The following RAPGEF3 variants were observed in gnomAD, a reference collection of about 807,000 sequenced individuals.
RAPGEF3 encodes Rap guanine nucleotide exchange factor 3.
RAPGEF3 carries 103 observed loss-of-function variants against 129.8 expected under a neutral mutation model. The ratio of observed to expected loss-of-function variants is 0.79; its 90% CI spans 0.68 to 0.93. The LOEUF (loss-of-function observed/expected upper bound fraction) is 0.93, where lower values mean the gene tolerates loss of function less well. RAPGEF3 is among the 40% of genes least tolerant of loss of function. RAPGEF3 has a pLI of 0.00. For synonymous variants in RAPGEF3, 436 were observed against 482.6 expected, an observed-to-expected ratio of 0.90 and a Z score of 1.26; for missense variants, 1,117 against 1,207.4, an observed-to-expected ratio of 0.93 and a Z score of 1.11.
At chr12:47,745,627 TG>T in intron 16 of RAPGEF3, 1 of 152,008 alleles carries the variant, frequency 6.6e-6, no homozygotes, top group Admixed American at 6.5e-5. Flanking sequence ...GAATCTGCAC[TG>T]GAGTTGGCTC....
At chr12:47,746,438 C>A (rs1049225875) in intron 16 of RAPGEF3, 45 of 546,438 alleles carry the variant, frequency 8.2e-5, no homozygotes, top group Non-Finnish European at 1.3e-4. Context: ...TCCCTTTAAG[C>A]CCCAGCTGAG....
chr12:47,749,992 T>C lies in RAPGEF3; in HGVS notation c.757-2A>G. 1 of 1,614,188 alleles carries C rather than the reference T, an allele frequency of 6.2e-7. No homozygotes were observed. The highest frequency in any genetic ancestry group is 8.5e-7 in the Non-Finnish European group (1 of 1,180,034). On this transcript the variant is annotated splice_acceptor_variant, in intron 7 of 27. Coordinates refer to ENST00000449771, the MANE Select transcript of RAPGEF3 (RefSeq NM_001098531.4). LOFTEE classifies it high-confidence loss of function. This position sits in a 1 kb window ranked among gnomAD's most constrained non-coding sequence, Gnocchi z 4.5. ...AACAGCCGCTAATTCTCGCTTCACC[T>C]GTGTGGTGGAGATAGGAGAGTCGGT...
intron 2 of RAPGEF3, among the ~76,000 whole-genome samples, chr12:47,757,222 A>G (rs61917620): frequency 0.028 from 4,287 of 152,238 alleles, 94 homozygotes; most frequent in Non-Finnish European, 0.04. Flanking sequence ...TGGATAGTAC[A>G]GCCATTATCT....
Position 47,751,559 on chromosome 12 carries a change from G to GT in RAPGEF3, c.381-40dup, listed in dbSNP as rs747950887. On this transcript the variant is annotated intron_variant, in intron 4 of 27. Coordinates refer to ENST00000449771, the MANE Select transcript of RAPGEF3 (RefSeq NM_001098531.4). The stretch of plus-strand genomic sequence containing the variant: ...AAGGGGACAGGCCAGTGGAAGGAGG[G>GT]TGGCAGGGAGAGGGAGGAACTATGC... The GT allele has an allele frequency of 2.5e-6, 4 of 1,613,002 alleles. No individual in the cohort carries two copies. In the African/African-American group the frequency reaches 5.3e-5, roughly 21 times the overall value.
chr12:47,749,789 C>A lies in RAPGEF3; in HGVS notation c.846G>T (p.Ser282=). The A allele has an allele frequency of 6.2e-7, 1 of 1,614,182 alleles. No individual in the cohort carries two copies. The highest frequency in any genetic ancestry group is 2.2e-5 in the East Asian group (1 of 44,874). The change falls in exon 9 of 28, where the codon TCG becomes TCT. Residue 282 remains serine (S), a synonymous_variant. Transcript: ENST00000449771. The surrounding 1 kb of genome is among the most constrained non-coding windows in gnomAD (Gnocchi z 4.5). ...VLFSQGDKGT[S]WYIIWKGSVN... ...CAGATCCCTTCCAGATAATGTACCA[C>A]GAAGTGCCCTTGTCCCCCTGGCTGA... is the stretch of plus-strand genomic sequence containing the variant.
In RAPGEF3 at chr12:47,737,313, C is replaced by T. The variant is rs1940836002; in HGVS notation, c.*254G>A. 6 of 519,416 alleles carry T rather than the reference C, an allele frequency of 1.2e-5. No homozygotes were observed. 32.2% of individuals were successfully genotyped at this position (519,416 alleles called of 1,614,324 possible). A position where few individuals can be genotyped will look rare whatever the true frequency, so the allele number is the denominator to read the frequency against. On this transcript the variant is annotated 3_prime_UTR_variant, in exon 28 of 28. Coordinates refer to ENST00000449771, the MANE Select transcript of RAPGEF3 (RefSeq NM_001098531.4). ...CCCAGCGCACTCCACTCTCCACCCACTCCTGGGGCCTCTCTGTCCTCCCTT... is the reference window on the plus strand; with the variant it reads ...CCCAGCGCACTCCACTCTCCACCCATTCCTGGGGCCTCTCTGTCCTCCCTT...
Position 47,737,416 on chromosome 12 carries a change from A to T in RAPGEF3, c.*151T>A, listed in dbSNP as rs1940843312. 1 of 651,712 alleles carries T rather than the reference A, an allele frequency of 1.5e-6. No homozygotes were observed. The highest frequency in any genetic ancestry group is 2.6e-6 in the Non-Finnish European group (1 of 379,154). The allele number at this position is 651,712 out of a possible 1,614,324, so 40.4% of individuals were successfully genotyped here. Reference sequence around the variant, plus strand: ...CCTTAGCTGCCAGTCATCACAGGGGATGGCTGCCTCCACACTGCCTGCTCC... The same window carrying T: ...CCTTAGCTGCCAGTCATCACAGGGGTTGGCTGCCTCCACACTGCCTGCTCC... On this transcript the variant is annotated 3_prime_UTR_variant, in exon 28 of 28. Coordinates refer to ENST00000449771, the MANE Select transcript of RAPGEF3 (RefSeq NM_001098531.4).
chr12:47,740,045 G>A (rs1941046874), intron 23 of RAPGEF3, 96 bp downstream of exon 23: 2 of 1,392,038 alleles, frequency 1.4e-6, no homozygotes, highest in African/African-American at 1.4e-5. Flanking sequence ...GACGAGTAGA[G>A]GGGCTGCAGG....
At position 47,734,862 on chromosome 12, in the gene RAPGEF3, T is replaced by C. The variant is rs369357072; in HGVS notation, c.*2705A>G. On this transcript the variant is annotated 3_prime_UTR_variant, in exon 28 of 28. Coordinates refer to ENST00000449771, the MANE Select transcript of RAPGEF3 (RefSeq NM_001098531.4). ...CGGATCTCAGGCTCTGCCTTCCTTTTGTTCGGATGGAGCCTGAGAGAGAGG... is the reference window on the plus strand; with the variant it reads ...CGGATCTCAGGCTCTGCCTTCCTTTCGTTCGGATGGAGCCTGAGAGAGAGG... 6.6e-6 allele frequency: 1 copy of C among 152,268 alleles called. No individual in the cohort carries two copies. The highest frequency in any genetic ancestry group is 6.5e-5 in the Admixed American group (1 of 15,290). 9.4% of individuals were successfully genotyped at this position (152,268 alleles called of 1,614,324 possible).
chr12:47,748,936 A>C lies in RAPGEF3; in HGVS notation c.1042-5T>G. Reference sequence around the variant, plus strand: ...CATGGTCTTTGCCTCCACATCCTGGAGAACAGGCCACATCCCATGCTCAAC... The same window carrying C: ...CATGGTCTTTGCCTCCACATCCTGGCGAACAGGCCACATCCCATGCTCAAC... On this transcript the variant is annotated splice_region_variant and splice_polypyrimidine_tract_variant and intron_variant, in intron 10 of 27. Transcript: ENST00000449771. The C allele has an allele frequency of 6.2e-7, 1 of 1,603,988 alleles. No homozygotes were observed. Among genetic ancestry groups the C allele is most frequent in the African/African-American group, 1.3e-5 (1 of 74,782 alleles).
intron 2 of RAPGEF3, among the ~76,000 whole-genome samples, chr12:47,752,400 G>C (rs1197913702): frequency 6.6e-6 from 1 of 152,174 alleles, no homozygotes; most frequent in Non-Finnish European, 1.5e-5. Context: ...TCCTGGGCTG[G>C]GGTCACAGAC....
At chr12:47,750,902 C>T in intron 6 of RAPGEF3, 146 bp downstream of exon 6, 2 of 1,151,618 alleles carry the variant, frequency 1.7e-6, no homozygotes, top group Admixed American at 2.8e-5. Flanking sequence ...GAGTCCGTGG[C>T]AGTCAGCGCC....
chr12:47,743,317 G>T (rs775196660), intron 18 of RAPGEF3, among the ~76,000 whole-genome samples: 1 of 152,222 alleles, frequency 6.6e-6, no homozygotes, highest in Non-Finnish European at 1.5e-5. Flanking sequence ...GGCTGGTGCC[G>T]AATGCAAGCA....
At position 47,747,581 on chromosome 12, in the gene RAPGEF3, G is replaced by T; in HGVS notation, c.1519C>A (p.Leu507Met). The change falls in exon 15 of 28, where the codon CTG becomes ATG. Residue 507 changes from leucine to methionine, a missense_variant. Leu to Met is a conservative substitution (Grantham distance 15). Coordinates refer to ENST00000449771, the MANE Select transcript of RAPGEF3 (RefSeq NM_001098531.4). ...VGRDTRLSNL[L>M]REQWPERRRC... ...CGCCTCTCTGGCCACTGCTCCCTCA[G>T]CAGGTTGCTGAGTCGGGTGTCCCTG... is the stretch of plus-strand genomic sequence containing the variant. 6.2e-7 allele frequency: 1 copy of T among 1,614,076 alleles called. No homozygotes were observed. The highest frequency in any genetic ancestry group is 8.5e-7 in the Non-Finnish European group (1 of 1,179,942).
At chr12:47,748,600 G>A (rs1302740573) in intron 11 of RAPGEF3, 58 bp from the exon 12 acceptor site, 3 of 1,412,096 alleles carry the variant, frequency 2.1e-6, no homozygotes, top group South Asian at 1.2e-5. Flanking sequence ...CCCACACCTG[G>A]GCAGACATCA....
chr12:47,739,270 T>C lies in RAPGEF3; in HGVS notation c.2374-40A>G, dbSNP rs746432076. 4.0e-6 allele frequency: 6 copies of C among 1,506,344 alleles called. No individual in the cohort carries two copies. The South Asian group carries it at 4.5e-5, about 11-fold the overall frequency. 93.3% of individuals were successfully genotyped at this position (1,506,344 alleles called of 1,614,324 possible). On this transcript the variant is annotated intron_variant, in intron 23 of 27. Coordinates refer to ENST00000449771, the MANE Select transcript of RAPGEF3 (RefSeq NM_001098531.4). ...CACACTGAGGGGGTTGCACACACCA[T>C]AAGCCACCACAGACCCCACCCAACC...
In RAPGEF3 at chr12:47,735,916, TG is replaced by T. The variant is rs1940785730; in HGVS notation, c.*1650del. The T allele has an allele frequency of 1.3e-5, 2 of 152,374 alleles. No individual in the cohort carries two copies. 9.4% of individuals were successfully genotyped at this position (152,374 alleles called of 1,614,324 possible). On this transcript the variant is annotated 3_prime_UTR_variant, in exon 28 of 28. Coordinates refer to ENST00000449771, the MANE Select transcript of RAPGEF3 (RefSeq NM_001098531.4). ...GTTCCAGATGCTTCCGTGCTTCTCC[TG>T]TGTCCCCACCCACGGCAAGGGAACT...
intron 19 of RAPGEF3, 85 bp from the exon 20 acceptor site, chr12:47,741,125 C>T (rs936941734): frequency 1.4e-6 from 2 of 1,467,762 alleles, no homozygotes; most frequent in African/African-American, 2.8e-5. Context: ...GGCAAGGACT[C>T]TATGCTCGTG....
chr12:47,748,872 C>T lies in RAPGEF3; in HGVS notation c.1101G>A (p.Glu367=), dbSNP rs1364210478. The T allele has an allele frequency of 1.9e-6, 3 of 1,614,072 alleles. No homozygotes were observed. The highest frequency in any genetic ancestry group is 2.5e-6 in the Non-Finnish European group (3 of 1,179,966). The change falls in exon 11 of 28, where the codon GAG becomes GAA. Residue 367 remains glutamate, a synonymous_variant. Coordinates refer to ENST00000449771, the MANE Select transcript of RAPGEF3 (RefSeq NM_001098531.4). The part of the protein sequence containing the change: ...EEHGKVVLVL[E]RASQGAGPSR... ...AAGGGCCGGCGCCCTGAGAGGCTCT[C>T]TCCAGCACCAGCACCACTTTGCCAT...
Sources: gnomAD v4.1 joint callset for allele counts (sites outside exome capture counted in the v4.1 genomes callset) on GRCh38, gnomAD v4.1.1 for gene constraint, Gnocchi (gnomAD v3.1) non-coding constraint, MANE v1.5 for transcripts, NCBI Gene and HGNC (gene_info 2026-07-23, HGNC 2026-07-21) for gene names.